Variants in PKHD1 observed in about 807,000 individuals in gnomAD.
PKHD1 encodes the protein PKHD1 ciliary IPT domain containing fibrocystin/polyductin.
In PKHD1, 291 loss-of-function variants were observed where a neutral mutation model predicts 412.0. The observed-to-expected ratio is 0.71, with a 90% CI of 0.64 to 0.78. The LOEUF (loss-of-function observed/expected upper bound fraction) is 0.78. Among genes scored for constraint, PKHD1 ranks in the 30% least tolerant of loss-of-function variants. The pLI is 0.00. For synonymous variants in PKHD1, 1,777 were observed against 1,821.5 expected (o/e 0.98, Z 0.62); for missense variants, 4,825 against 4,950.7 (o/e 0.97, Z 0.76).
chr6:51,646,320 G>A (rs1399948907), intron 63 of PKHD1, among the ~76,000 whole-genome samples: 1 of 152,180 alleles, frequency 6.6e-6, no homozygotes, highest in Non-Finnish European at 1.5e-5. Flanking sequence ...GGCCCCTTGT[G>A]CAGAGAGGAA....
chr6:52,069,092 T>C (rs1178234583), intron 11 of PKHD1, among the ~76,000 whole-genome samples: 1 of 152,198 alleles, frequency 6.6e-6, no homozygotes, highest in Non-Finnish European at 1.5e-5. Context: ...AGTCATAAAT[T>C]ATTGAATGAA....
At chr6:51,974,875 G>T (rs1400542585) in intron 35 of PKHD1, among the ~76,000 whole-genome samples, 2 of 151,984 alleles carry the variant, frequency 1.3e-5, no homozygotes, top group African/African-American at 4.8e-5. Context: ...AAAAATAATA[G>T]AAAGAAAAGG....
At chr6:51,901,945 T>C (rs913582294) in intron 43 of PKHD1, among the ~76,000 whole-genome samples, 1 of 152,114 alleles carries the variant, frequency 6.6e-6, no homozygotes, top group Non-Finnish European at 1.5e-5. Flanking sequence ...TACAGGTCAT[T>C]TTGCAAAGGC....
chr6:51,710,982 C>T, intron 60 of PKHD1, among the ~76,000 whole-genome samples: 1 of 152,116 alleles, frequency 6.6e-6, no homozygotes, highest in East Asian at 1.9e-4. Context: ...TCTTCTTGGT[C>T]TCATCTTTTA....
chr6:52,049,801 C>T (rs1239850061), intron 22 of PKHD1, among the ~76,000 whole-genome samples: 1 of 152,140 alleles, frequency 6.6e-6, no homozygotes, highest in African/African-American at 2.4e-5. Flanking sequence ...CAAAACAAAA[C>T]AGTGGTGATG....
intron 60 of PKHD1, chr6:51,721,069 C>T: frequency 5.1e-6 from 5 of 984,092 alleles, no homozygotes; most frequent in Non-Finnish European, 6.0e-6. Context: ...GAACCAATTC[C>T]TCAAATCACA....
At chr6:51,713,762 C>T (rs1464061347) in intron 60 of PKHD1, among the ~76,000 whole-genome samples, 2 of 152,152 alleles carry the variant, frequency 1.3e-5, no homozygotes, top group Non-Finnish European at 2.9e-5. Flanking sequence ...TTCAACCCTG[C>T]ACTTGAGGTC....
At chr6:51,626,639 C>G (rs1437297564) in intron 66 of PKHD1, among the ~76,000 whole-genome samples, 2 of 152,204 alleles carry the variant, frequency 1.3e-5, no homozygotes, top group Non-Finnish European at 2.9e-5. Context: ...CAACTGTACT[C>G]TTCTTTCCCA....
At chr6:51,729,715 T>A (rs1783020246) in intron 60 of PKHD1, among the ~76,000 whole-genome samples, 1 of 152,158 alleles carries the variant, frequency 6.6e-6, no homozygotes, top group African/African-American at 2.4e-5. Flanking sequence ...CACTGCAAAT[T>A]ATCACACTTT....
At chr6:51,892,268 A>G (rs1779234700) in intron 43 of PKHD1, among the ~76,000 whole-genome samples, 1 of 152,234 alleles carries the variant, frequency 6.6e-6, no homozygotes, top group Non-Finnish European at 1.5e-5. Flanking sequence ...TATTAAGATG[A>G]ATCACTATCA....
intron 40 of PKHD1, 75 bp from the exon 41 acceptor site, chr6:51,906,415 A>T (rs1782105777): frequency 1.8e-6 from 2 of 1,115,086 alleles, no homozygotes; most frequent in Non-Finnish European, 1.4e-6. Context: ...AGCAACCTAC[A>T]CTGTAGCTAA....
At chr6:51,874,703 C>T (rs1329784253) in intron 46 of PKHD1, among the ~76,000 whole-genome samples, 2 of 151,818 alleles carry the variant, frequency 1.3e-5, no homozygotes, top group African/African-American at 2.4e-5. Context: ...CCAAGGCGGG[C>T]GGATCACGAG....
At chr6:51,878,301 A>G in intron 46 of PKHD1, among the ~76,000 whole-genome samples, 1 of 16,882 alleles carries the variant, frequency 5.9e-5, no homozygotes, top group African/African-American at 2.9e-4. Flanking sequence ...AGCCGGGCAG[A>G]GACACAACAA....
Position 51,890,983 on chromosome 6 carries a change from A to G in PKHD1, c.6997-3738T>C, listed in dbSNP as rs1032765061. On this transcript the variant is annotated intron_variant, in intron 43 of 66. Coordinates refer to ENST00000371117, the MANE Select transcript of PKHD1 (RefSeq NM_138694.4). ...ATCAGTGCAGACAGTAGGGCTATGG[A>G]CTGAATGCAGACAAGGGTTAGAATT... Among the ~76,000 whole-genome samples, 10 of 152,296 alleles carry G rather than the reference A, an allele frequency of 6.6e-5. 1 individual carries two copies. The South Asian group carries it at 2.1e-3, about 32-fold the overall frequency.
intron 24 of PKHD1, 85 bp from the exon 25 acceptor site, chr6:52,045,173 T>C (rs1581923192): frequency 3.0e-6 from 4 of 1,342,696 alleles, no homozygotes; most frequent in East Asian, 2.3e-5. Flanking sequence ...TTTTTTCACA[T>C]TGTGTTTCAG....
chr6:51,759,546 G>GA (rs200774314), intron 55 of PKHD1, among the ~76,000 whole-genome samples: 2,538 of 151,632 alleles, frequency 0.017, 69 homozygotes, highest in African/African-American at 0.057. Context: ...TTCTCCAGTA[G>GA]AAAAAAAAGA....
Position 51,753,231 on chromosome 6 carries a change from A to T in PKHD1, c.8920T>A (p.Phe2974Ile). ...AATTCTTCTCGGCTGGACTTCCTGA[A>T]GGACCCCACAAACAGTCTCCCCCTA... ...SCRGRLFVGS[F>I]RKSSREEFSG... The change falls in exon 57 of 67, where the codon TTC becomes ATC. Residue 2974 changes from phenylalanine to isoleucine, a missense_variant. Transcript: ENST00000371117. The T allele has an allele frequency of 6.2e-7, 1 of 1,613,878 alleles. No individual in the cohort carries two copies.
intron 27 of PKHD1, 146 bp from the exon 28 acceptor site, chr6:52,035,867 T>C: frequency 2.5e-6 from 2 of 786,814 alleles, no homozygotes; most frequent in Middle Eastern, 3.6e-4. Flanking sequence ...GGAAAAAAAC[T>C]GGAGTTAAAT....
intron 53 of PKHD1, among the ~76,000 whole-genome samples, chr6:51,786,695 C>A (rs1017468039): frequency 6.6e-6 from 1 of 152,262 alleles, no homozygotes; most frequent in East Asian, 1.9e-4. Flanking sequence ...AAGACATGAT[C>A]CTTCCAATCA....
Sources: gnomAD v4.1 joint callset for allele counts (sites outside exome capture counted in the v4.1 genomes callset) on GRCh38, gnomAD v4.1.1 for gene constraint, MANE v1.5 for transcripts, NCBI Gene and HGNC (gene_info 2026-07-23, HGNC 2026-07-21) for gene names.